CD79A: variants seen among roughly 807,000 people sequenced by gnomAD.
The protein encoded by CD79A is B-cell antigen receptor complex-associated protein alpha chain.
CD79A carries 16 observed loss-of-function variants against 27.4 expected under a neutral mutation model. The observed-to-expected ratio is 0.58, with a 90% CI of 0.40 to 0.89. The LOEUF is 0.89. Among genes scored for constraint, CD79A ranks in the 40% least tolerant of loss-of-function variants. CD79A has a pLI of 0.00. For synonymous variants in CD79A, 110 were observed against 132.7 expected (o/e 0.83, Z 1.18); for missense variants, 237 against 299.7 (o/e 0.79, Z 1.55).
rs1555843683 is a variant in CD79A, at chr19:41,879,525, C to T, written c.380-10C>T. On this transcript the variant is annotated splice_polypyrimidine_tract_variant and intron_variant, in intron 2 of 4. Coordinates refer to ENST00000221972, the MANE Select transcript of CD79A (RefSeq NM_001783.4). The surrounding 1 kb of genome is among the most constrained non-coding windows in gnomAD (Gnocchi z 5.1). ...GGGCCAGGGCTCTGAGCCATACTACCTCCTTGCAGAGCCGCCCCCCAGGCC... is the reference window on the plus strand; with the variant it reads ...GGGCCAGGGCTCTGAGCCATACTACTTCCTTGCAGAGCCGCCCCCCAGGCC... 3 of 1,582,404 alleles carry T rather than the reference C, an allele frequency of 1.9e-6. No individual in the cohort carries two copies. The highest frequency in any genetic ancestry group is 1.7e-6 in the Non-Finnish European group (2 of 1,156,646).
intron 3 of CD79A, among the ~76,000 whole-genome samples, chr19:41,880,451 G>GGGAAGGAAGGAAGGAA (rs782467863): frequency 1.6e-4 from 16 of 102,578 alleles, no homozygotes; most frequent in Middle Eastern, 5.2e-3. Context: ...AGGAAGGGAA[G>GGGAAGGAAGGAAGGAA]GGAAGGAAGG....
rs919385840 is a variant in CD79A at position 41,877,687 on chromosome 19, G to C, written c.79+304G>C. Among the ~76,000 whole-genome samples the C allele has an allele frequency of 6.6e-6, 1 of 152,200 alleles. No homozygotes were observed. The highest frequency in any genetic ancestry group is 2.4e-5 in the African/African-American group (1 of 41,436). Reference sequence around the variant, plus strand: ...AGGAACTAAAGTTGCTCTTGACTGAGCACCAGGGCTGGGGGCAGGAAGGGG... The same window carrying C: ...AGGAACTAAAGTTGCTCTTGACTGACCACCAGGGCTGGGGGCAGGAAGGGG... On this transcript the variant is annotated intron_variant, in intron 1 of 4. Coordinates refer to ENST00000221972, the MANE Select transcript of CD79A (RefSeq NM_001783.4). This position sits in a 1 kb window ranked among gnomAD's most constrained non-coding sequence, Gnocchi z 4.1.
rs1406607617 is a variant in CD79A at position 41,881,241 on chromosome 19, C to T, written c.*261C>T. 17 of 570,410 alleles carry T rather than the reference C, an allele frequency of 3.0e-5. No individual in the cohort carries two copies. The highest frequency in any genetic ancestry group is 4.7e-5 in the Non-Finnish European group (15 of 316,452). 35.3% of individuals were successfully genotyped at this position (570,410 alleles called of 1,614,324 possible). A position where few individuals can be genotyped will look rare whatever the true frequency, so the allele number is the denominator to read the frequency against. ...CGCCCCGCTGCCTTTCCCAGGCTCCCCTCACCCCAGCGGGTAATGAGCCCT... is the reference window on the plus strand; with the variant it reads ...CGCCCCGCTGCCTTTCCCAGGCTCCTCTCACCCCAGCGGGTAATGAGCCCT... On this transcript the variant is annotated 3_prime_UTR_variant, in exon 5 of 5. Transcript: ENST00000221972.
Position 41,880,723 on chromosome 19 carries a change from T to A in CD79A, c.552T>A (p.Asp184Glu). 6.7e-7 allele frequency: 1 copy of A among 1,492,074 alleles called. No homozygotes were observed. The highest frequency in any genetic ancestry group is 1.5e-5 in the African/African-American group (1 of 67,700). The allele number at this position is 1,492,074 out of a possible 1,614,324, so 92.4% of individuals were successfully genotyped here. A position where few individuals can be genotyped will look rare whatever the true frequency, so the allele number is the denominator to read the frequency against. ...LGLDAGDEYE[D>E]ENLYEGLNLD... ...TGGATGCCGGGGATGAATATGAAGA[T>A]GAAAACCTTTATGAAGTGAGTGAAG... The change falls in exon 4 of 5, where the codon GAT (aspartate) becomes GAA (glutamate). Residue 184 changes from aspartate to glutamate, a missense_variant. Asp to Glu is a conservative substitution (Grantham distance 45, BLOSUM62 2). Coordinates refer to ENST00000221972, the MANE Select transcript of CD79A (RefSeq NM_001783.4).
At position 41,878,912 on chromosome 19, in the gene CD79A, C is replaced by G; in HGVS notation, c.80-78C>G. On this transcript the variant is annotated intron_variant, in intron 1 of 4. Transcript: ENST00000221972. The surrounding 1 kb of genome is among the most constrained non-coding windows in gnomAD (Gnocchi z 4.3). ...AGTCCTCACCCTCTTCCCAGGAGTG[C>G]TGGAACTGCAGGGGCCAGGGCTGGG... 1 of 1,223,396 alleles carries G rather than the reference C, an allele frequency of 8.2e-7. No homozygotes were observed. Among genetic ancestry groups the G allele is most frequent in the Non-Finnish European group, 1.2e-6 (1 of 854,606 alleles). The allele number at this position is 1,223,396 out of a possible 1,614,324, so 75.8% of individuals were successfully genotyped here.
chr19:41,880,514 G>T (rs1190886316), intron 3 of CD79A, among the ~76,000 whole-genome samples, 156 bp from the exon 4 acceptor site: 1 of 148,306 alleles, frequency 6.7e-6, no homozygotes, highest in Admixed American at 6.8e-5. Context: ...GGAGAACACT[G>T]GTTGTAGACT....
Position 41,881,216 on chromosome 19 carries a change from C to A in CD79A, c.*236C>A, listed in dbSNP as rs181106086. ...GCCCCACCTCCTAACCTAATCCCCC[C>A]GCCCCGCTGCCTTTCCCAGGCTCCC... On this transcript the variant is annotated 3_prime_UTR_variant, in exon 5 of 5. Transcript: ENST00000221972. 112 of 588,048 alleles carry A rather than the reference C, an allele frequency of 1.9e-4. No homozygotes were observed. In the East Asian group the frequency reaches 2.4e-3, roughly 13 times the overall value. 36.4% of individuals were successfully genotyped at this position (588,048 alleles called of 1,614,324 possible). A position where few individuals can be genotyped will look rare whatever the true frequency, so the allele number is the denominator to read the frequency against.
In CD79A at chr19:41,879,710, C is replaced by CAATACCCAGGTAGCCCTCT. The variant is rs2123305375; in HGVS notation, c.498+59_498+77dup. On this transcript the variant is annotated intron_variant, in intron 3 of 4. Coordinates refer to ENST00000221972, the MANE Select transcript of CD79A (RefSeq NM_001783.4). The surrounding 1 kb of genome is among the most constrained non-coding windows in gnomAD (Gnocchi z 5.1). ...GCGAGGGCCTGGGCCGAGGGACCCC[C>CAATACCCAGGTAGCCCTCT]AATACCCAGGTAGCCCTCTAGAGCC... 8.4e-7 allele frequency: 1 copy of CAATACCCAGGTAGCCCTCT among 1,197,580 alleles called. No homozygotes were observed. Among genetic ancestry groups the CAATACCCAGGTAGCCCTCT allele is most frequent in the South Asian group, 1.2e-5 (1 of 80,898 alleles). The allele number at this position is 1,197,580 out of a possible 1,614,324, so 74.2% of individuals were successfully genotyped here.
At chr19:41,880,451 G>GGAA (rs1555843973) in intron 3 of CD79A, among the ~76,000 whole-genome samples, 1 of 102,514 alleles carries the variant, frequency 9.8e-6, no homozygotes, top group African/African-American at 3.7e-5. Flanking sequence ...AGGAAGGGAA[G>GGAA]GGAAGGAAGG....
chr19:41,879,923 C>T lies in CD79A; in HGVS notation c.498+270C>T, dbSNP rs1011322559. Among the ~76,000 whole-genome samples, 1 of 152,120 alleles carries T rather than the reference C, an allele frequency of 6.6e-6. No homozygotes were observed. The highest frequency in any genetic ancestry group is 1.5e-5 in the Non-Finnish European group (1 of 68,006). ...CCCAAGAAGAGTCTCATTCTTCTCC[C>T]TAAGAGTGTCCTCACTCCCCTCCTG... On this transcript the variant is annotated intron_variant, in intron 3 of 4. Coordinates refer to ENST00000221972, the MANE Select transcript of CD79A (RefSeq NM_001783.4). This position sits in a 1 kb window ranked among gnomAD's most constrained non-coding sequence, Gnocchi z 5.1.
In CD79A at chr19:41,880,441, A is replaced by AAGGAAG. The variant is rs2074215259; in HGVS notation, c.499-229_499-228insAGGAAG. On this transcript the variant is annotated intron_variant, in intron 3 of 4. Transcript: ENST00000221972. ...AGAGAGGGCGAGAGGGAGGGAGGGA[A>AAGGAAG]GGAAGGGAAGGGAAGGAAGGAAGGA... 2.9e-4 allele frequency among the ~76,000 whole-genome samples: 29 copies of AAGGAAG among 99,650 alleles called. 3 individuals carry two copies. The highest frequency in any genetic ancestry group is 2.2e-4 in the Admixed American group (2 of 9,122). The allele number at this position is 99,650 out of a possible 152,430, so 65.4% of individuals were successfully genotyped here.
rs374057293 is a variant in CD79A, at chr19:41,878,945, G to C, written c.80-45G>C. 6.8e-7 allele frequency: 1 copy of C among 1,474,996 alleles called. No individual in the cohort carries two copies. The highest frequency in any genetic ancestry group is 9.4e-7 in the Non-Finnish European group (1 of 1,066,684). 91.4% of individuals were successfully genotyped at this position (1,474,996 alleles called of 1,614,324 possible). A position where few individuals can be genotyped will look rare whatever the true frequency, so the allele number is the denominator to read the frequency against. ...GCAGGGGCCAGGGCTGGGGAAATGT[G>C]TCACCATCCCCAGTCCCTGACCCAC... On this transcript the variant is annotated intron_variant, in intron 1 of 4. Coordinates refer to ENST00000221972, the MANE Select transcript of CD79A (RefSeq NM_001783.4). This position sits in a 1 kb window ranked among gnomAD's most constrained non-coding sequence, Gnocchi z 4.3.
Position 41,879,715 on chromosome 19 carries a change from C to G in CD79A, c.498+62C>G. The G allele has an allele frequency of 9.1e-7, 1 of 1,098,478 alleles. No individual in the cohort carries two copies. The highest frequency in any genetic ancestry group is 1.8e-5 in the Admixed American group (1 of 56,474). 68.0% of individuals were successfully genotyped at this position (1,098,478 alleles called of 1,614,324 possible). On this transcript the variant is annotated intron_variant, in intron 3 of 4. Coordinates refer to ENST00000221972, the MANE Select transcript of CD79A (RefSeq NM_001783.4). The surrounding 1 kb of genome is among the most constrained non-coding windows in gnomAD (Gnocchi z 5.1). ...GGCCTGGGCCGAGGGACCCCCAATA[C>G]CCAGGTAGCCCTCTAGAGCCTGAGG...
chr19:41,879,443 G>C lies in CD79A; in HGVS notation c.380-92G>C, dbSNP rs2074207897. ...TCTCCTCTGCAGAGTGGGGTCTCTG[G>C]GGGGTCTGGGGCCTTGCAGGAGGTG... On this transcript the variant is annotated intron_variant, in intron 2 of 4. Transcript: ENST00000221972. The surrounding 1 kb of genome is among the most constrained non-coding windows in gnomAD (Gnocchi z 5.1). 1.6e-6 allele frequency: 2 copies of C among 1,219,020 alleles called. No individual in the cohort carries two copies. Among genetic ancestry groups the C allele is most frequent in the Admixed American group, 1.9e-5 (1 of 51,298 alleles). The allele number at this position is 1,219,020 out of a possible 1,614,324, so 75.5% of individuals were successfully genotyped here.
chr19:41,881,152 A>G lies in CD79A; in HGVS notation c.*172A>G, dbSNP rs1351673818. ...TCTTCTCCAGGCCAGGCCTCCTTGG[A>G]CTCCCCTGGGGGTGTCCCACTCTTC... On this transcript the variant is annotated 3_prime_UTR_variant, in exon 5 of 5. Transcript: ENST00000221972. 1 of 666,438 alleles carries G rather than the reference A, an allele frequency of 1.5e-6. No individual in the cohort carries two copies. The highest frequency in any genetic ancestry group is 2.7e-6 in the Non-Finnish European group (1 of 366,846). The allele number at this position is 666,438 out of a possible 1,614,324, so 41.3% of individuals were successfully genotyped here.
chr19:41,880,979 G>A lies in CD79A; in HGVS notation c.680G>A (p.Ter227=). ...GGAGATGTCCAGCTGGAGAAGCCGTGACACCCCTACTCCTGCCAGGCTGCC... is the reference window on the plus strand; with the variant it reads ...GGAGATGTCCAGCTGGAGAAGCCGTAACACCCCTACTCCTGCCAGGCTGCC... ...NIGDVQLEKP[*] Residue 227 remains the stop codon, a stop_retained_variant, in exon 5 of 5, where the codon TGA becomes TAA. Coordinates refer to ENST00000221972, the MANE Select transcript of CD79A (RefSeq NM_001783.4). 1 of 1,554,628 alleles carries A rather than the reference G, an allele frequency of 6.4e-7. No homozygotes were observed. Among genetic ancestry groups the A allele is most frequent in the Non-Finnish European group, 8.7e-7 (1 of 1,146,982 alleles).
In CD79A at chr19:41,880,688, A is replaced by C. The variant is rs1314762747; in HGVS notation, c.517A>C (p.Lys173Gln). ...CCTACAGAAACGATGGCAGAACGAG[A>C]AGCTCGGGTTGGATGCCGGGGATGA... ...LLFRKRWQNE[K>Q]LGLDAGDEYE... The change falls in exon 4 of 5, where the codon AAG becomes CAG. Residue 173 changes from lysine (K) to glutamine (Q), a missense_variant. Lys to Gln is a moderately conservative substitution (Grantham distance 53). Coordinates refer to ENST00000221972, the MANE Select transcript of CD79A (RefSeq NM_001783.4). 5 of 1,440,620 alleles carry C rather than the reference A, an allele frequency of 3.5e-6. No individual in the cohort carries two copies. Among genetic ancestry groups the C allele is most frequent in the South Asian group, 1.2e-5 (1 of 82,292 alleles). The allele number at this position is 1,440,620 out of a possible 1,614,324, so 89.2% of individuals were successfully genotyped here.
In CD79A at chr19:41,877,341, G is replaced by A. The variant is rs538437053; in HGVS notation, c.37G>A (p.Ala13Thr). The A allele has an allele frequency of 6.2e-7, 1 of 1,614,190 alleles. No homozygotes were observed. Among genetic ancestry groups the A allele is most frequent in the South Asian group, 1.1e-5 (1 of 91,086 alleles). The stretch of plus-strand genomic sequence containing the variant: ...TCCAGGAGTCCTCCAAGCTCTGCCT[G>A]CCACCATCTTCCTCCTCTTCCTGCT... ...GGPGVLQALP[A>T]TIFLLFLLSA... Residue 13 changes from alanine (A) to threonine (T), a missense_variant, in exon 1 of 5, where the codon GCC (alanine) becomes ACC (threonine). Physicochemically the swap from Ala to Thr is moderately conservative, Grantham distance 58. Coordinates refer to ENST00000221972, the MANE Select transcript of CD79A (RefSeq NM_001783.4). This position sits in a 1 kb window ranked among gnomAD's most constrained non-coding sequence, Gnocchi z 4.1.
chr19:41,879,802 T>G lies in CD79A; in HGVS notation c.498+149T>G. ...CCATATAGGGGCTGTGGGAGTTAAA[T>G]GAATGAATATAAAGAAGGGACTTGA... On this transcript the variant is annotated intron_variant, in intron 3 of 4. Transcript: ENST00000221972. The surrounding 1 kb of genome is among the most constrained non-coding windows in gnomAD (Gnocchi z 5.1). The G allele has an allele frequency of 1.6e-6, 1 of 617,778 alleles. No individual in the cohort carries two copies. The highest frequency in any genetic ancestry group is 1.9e-5 in the South Asian group (1 of 53,634). The allele number at this position is 617,778 out of a possible 1,614,324, so 38.3% of individuals were successfully genotyped here. A position where few individuals can be genotyped will look rare whatever the true frequency, so the allele number is the denominator to read the frequency against.
Sources: allele counts gnomAD v4.1 joint callset (sites outside exome capture counted in the v4.1 genomes callset), GRCh38; gene constraint gnomAD v4.1.1; non-coding constraint Gnocchi (gnomAD v3.1); transcripts MANE v1.5; gene names NCBI Gene and HGNC (gene_info 2026-07-23, HGNC 2026-07-21).